The following HERC3 variants were observed in gnomAD, a reference collection of about 807,000 sequenced individuals.
HERC3 encodes the protein probable E3 ubiquitin-protein ligase HERC3.
Under a neutral mutation model 129.9 loss-of-function variants are expected in HERC3, and 58 were observed. The ratio of observed to expected loss-of-function variants is 0.45; its 90% CI spans 0.36 to 0.56. The LOEUF (loss-of-function observed/expected upper bound fraction) is 0.56. Among genes scored for constraint, HERC3 ranks in the 20% least tolerant of loss-of-function variants. The pLI is 0.00. For missense variants in HERC3, 835 were observed against 1,244.2 expected, an observed-to-expected ratio of 0.67 and a Z score of 4.95; for synonymous variants, 430 against 451.0, an observed-to-expected ratio of 0.95 and a Z score of 0.59.
At chr4:88,677,756 G>A (rs1358477336) in intron 18 of HERC3, among the ~76,000 whole-genome samples, 2 of 152,076 alleles carry the variant, frequency 1.3e-5, no homozygotes, top group African/African-American at 2.4e-5. Flanking sequence ...TTCATAAACT[G>A]TTTTAGTTAA....
the HERC3 span, among the ~76,000 whole-genome samples, chr4:88,580,207 T>C: frequency 6.6e-6 from 1 of 152,190 alleles, no homozygotes; most frequent in African/African-American, 2.4e-5. Context: ...TTCAAGATTC[T>C]GAACCTGGAT....
intron 23 of HERC3, among the ~76,000 whole-genome samples, chr4:88,694,875 A>G (rs999782347): frequency 5.9e-5 from 9 of 152,272 alleles, no homozygotes; most frequent in Admixed American, 5.9e-4. Context: ...ATTAGTGCCT[A>G]TAAATGGTTA....
At chr4:88,591,323 A>G (rs1721692038), upstream of HERC3, among the ~76,000 whole-genome samples, 1 of 152,076 alleles carries the variant, frequency 6.6e-6, no homozygotes, top group Non-Finnish European at 1.5e-5. Flanking sequence ...AATTTGCATT[A>G]TTTCACGGAG....
intron 3 of HERC3, among the ~76,000 whole-genome samples, chr4:88,648,029 T>A (rs1383411137): frequency 6.6e-6 from 1 of 152,202 alleles, no homozygotes; most frequent in East Asian, 1.9e-4. Flanking sequence ...AATTATTAAC[T>A]ATGGAAAGTA....
At chr4:88,539,797 G>A in the HERC3 span, among the ~76,000 whole-genome samples, 1 of 152,180 alleles carries the variant, frequency 6.6e-6, no homozygotes, top group Admixed American at 6.5e-5. Flanking sequence ...GGAAAACAGG[G>A]TCTGGAGTGA....
chr4:88,552,305 C>T, the HERC3 span, among the ~76,000 whole-genome samples: 1 of 151,872 alleles, frequency 6.6e-6, no homozygotes, highest in African/African-American at 2.4e-5. Flanking sequence ...GTCTCGTTTT[C>T]CTCTGCTCTT....
At chr4:88,638,768 G>C (rs779866991) in intron 3 of HERC3, among the ~76,000 whole-genome samples, 7 of 152,098 alleles carry the variant, frequency 4.6e-5, no homozygotes, top group Non-Finnish European at 8.8e-5. Flanking sequence ...AAGAAATAAA[G>C]GGTACTCAAA....
the HERC3 span, among the ~76,000 whole-genome samples, chr4:88,534,161 C>T: frequency 8.5e-5 from 13 of 152,328 alleles, no homozygotes; most frequent in East Asian, 2.5e-3. Flanking sequence ...CTTTTCTTAA[C>T]AGCTTCCGGA....
the HERC3 span, among the ~76,000 whole-genome samples, chr4:88,525,270 T>A: frequency 1.3e-5 from 2 of 152,224 alleles, no homozygotes; most frequent in Non-Finnish European, 2.9e-5. Flanking sequence ...GGACATACCC[T>A]CAAGGGAAAC....
At position 88,602,042 on chromosome 4, in the gene HERC3, C is replaced by T. The variant is rs570084426; in HGVS notation, c.-29-3753C>T. The stretch of plus-strand genomic sequence containing the variant: ...CTGCACTCCAGCCTGGGCGACAGAG[C>T]GAGACTCCGTCTCAAAAAAAAAAAA... On this transcript the variant is annotated intron_variant, in intron 2 of 25. Transcript: ENST00000402738. 4.0e-5 allele frequency among the ~76,000 whole-genome samples: 3 copies of T among 74,722 alleles called. 1 individual carries two copies. The highest frequency in any genetic ancestry group is 5.2e-4 in the East Asian group (1 of 1,928). The allele number at this position is 74,722 out of a possible 152,430, so 49.0% of individuals were successfully genotyped here. A position where few individuals can be genotyped will look rare whatever the true frequency, so the allele number is the denominator to read the frequency against.
chr4:88,617,998 C>T lies in HERC3; in HGVS notation c.226+11949C>T, dbSNP rs942794805. ...CAGGCAGGCAGTGAATGCTGGGTCTCCTCCAGGACGAGCTGGAAGCGAGGA... is the reference window on the plus strand; with the variant it reads ...CAGGCAGGCAGTGAATGCTGGGTCTTCTCCAGGACGAGCTGGAAGCGAGGA... On this transcript the variant is annotated intron_variant, in intron 3 of 25. Coordinates refer to ENST00000402738, the MANE Select transcript of HERC3 (RefSeq NM_014606.3). Among the ~76,000 whole-genome samples, 5 of 152,304 alleles carry T rather than the reference C, an allele frequency of 3.3e-5. No homozygotes were observed. The East Asian group carries it at 9.6e-4, about 29-fold the overall frequency.
At chr4:88,536,323 C>T in the HERC3 span, among the ~76,000 whole-genome samples, 1 of 152,206 alleles carries the variant, frequency 6.6e-6, no homozygotes, top group South Asian at 2.1e-4. Context: ...CTCTAAACCA[C>T]TACTCAGCTT....
At chr4:88,652,234 T>C (rs1248904101) in intron 5 of HERC3, 146 bp downstream of exon 5, 2 of 648,174 alleles carry the variant, frequency 3.1e-6, no homozygotes, top group Non-Finnish European at 5.5e-6. Context: ...AATTCTCATA[T>C]GGGCTTTGCA....
chr4:88,611,985 A>G (rs1450812513), intron 3 of HERC3, among the ~76,000 whole-genome samples: 6 of 152,198 alleles, frequency 3.9e-5, no homozygotes, highest in Non-Finnish European at 8.8e-5. Context: ...GCACCTGGAC[A>G]AGTCTTCTAA....
the HERC3 span, chr4:88,528,038 A>G: frequency 3.5e-6 from 1 of 289,100 alleles, no homozygotes; most frequent in Admixed American, 3.8e-5. Flanking sequence ...GCGAGACTGT[A>G]GTTTCACGCC....
At chr4:88,558,579 A>C in the HERC3 span, among the ~76,000 whole-genome samples, 31 of 152,300 alleles carry the variant, frequency 2.0e-4, no homozygotes, top group Non-Finnish European at 3.4e-4. Flanking sequence ...GGGTGCACTA[A>C]AATCTCAGAA....
Position 88,687,280 on chromosome 4 carries a change from A to G in HERC3, c.2638A>G (p.Thr880Ala). ...GCTGATACCTGGGGGAGATAATGTA[A>G]CTGTGTGCAAGGATAACAGGTTAGT... ...KKLIPGGDNV[T>A]VCKDNRQEFV... Residue 880 changes from threonine to alanine, a missense_variant, in exon 23 of 26, where the codon ACT (threonine) becomes GCT (alanine). Physicochemically the swap from Thr to Ala is moderately conservative, Grantham distance 58. Coordinates refer to ENST00000402738, the MANE Select transcript of HERC3 (RefSeq NM_014606.3). 2 of 1,611,976 alleles carry G rather than the reference A, an allele frequency of 1.2e-6. No homozygotes were observed. Among genetic ancestry groups the G allele is most frequent in the Non-Finnish European group, 8.5e-7 (1 of 1,178,234 alleles).
the HERC3 span, among the ~76,000 whole-genome samples, chr4:88,570,662 G>A: frequency 1.3e-5 from 2 of 152,078 alleles, no homozygotes; most frequent in African/African-American, 4.8e-5. Context: ...ATATTTTATT[G>A]TATATTCACT....
At chr4:88,586,352 TTTTTC>T in the HERC3 span, among the ~76,000 whole-genome samples, 1 of 151,060 alleles carries the variant, frequency 6.6e-6, no homozygotes, top group Non-Finnish European at 1.5e-5. Flanking sequence ...ACTTTTTTTT[TTTTTC>T]TTTCTTTTTT....
Sources: gnomAD v4.1 joint callset for allele counts (sites outside exome capture counted in the v4.1 genomes callset) on GRCh38, gnomAD v4.1.1 for gene constraint, MANE v1.5 for transcripts, NCBI Gene and HGNC (gene_info 2026-07-23, HGNC 2026-07-21) for gene names.